Variants in TMPRSS12 observed in about 807,000 individuals in gnomAD.
TMPRSS12 encodes the protein transmembrane protease serine 12.
TMPRSS12 carries 25 observed loss-of-function variants against 26.0 expected under a neutral mutation model. That is an observed-to-expected ratio of 0.96 (90% CI 0.70 to 1.34). The LOEUF (loss-of-function observed/expected upper bound fraction) is 1.34, where lower values mean the gene tolerates loss of function less well. Ranked by LOEUF, TMPRSS12 falls within the 40% of genes most tolerant of loss-of-function variation. The probability of loss-of-function intolerance (pLI) is 0.00; values close to 1 mark genes in which losing one functional copy is unlikely to be tolerated. For synonymous variants in TMPRSS12, 150 were observed against 161.7 expected, an observed-to-expected ratio of 0.93 and a Z score of 0.55; for missense variants, 441 against 440.1, an observed-to-expected ratio of 1.00 and a Z score of -0.02.
chr12:50,885,153 A>G, intron 3 of TMPRSS12, 93 bp from the exon 4 acceptor site: 1 of 1,112,798 alleles, frequency 9.0e-7, no homozygotes, highest in Non-Finnish European at 1.3e-6. Context: ...TTATTGCATC[A>G]GTCACTTTGG....
At chr12:50,876,890 C>A (rs1305613902) in intron 3 of TMPRSS12, among the ~76,000 whole-genome samples, 1 of 149,768 alleles carries the variant, frequency 6.7e-6, no homozygotes, top group Admixed American at 6.7e-5. Context: ...AAAACAGAAT[C>A]ATGTCCTTTG....
At chr12:50,871,700 G>A (rs1938044300) in intron 3 of TMPRSS12, among the ~76,000 whole-genome samples, 1 of 151,990 alleles carries the variant, frequency 6.6e-6, no homozygotes, top group Non-Finnish European at 1.5e-5. Context: ...ATTTGACAAA[G>A]GACTAATATC....
intron 2 of TMPRSS12, 111 bp from the exon 3 acceptor site, chr12:50,858,674 G>T: frequency 1.2e-6 from 1 of 829,660 alleles, no homozygotes; most frequent in African/African-American, 1.8e-5. Context: ...ACATGAAACT[G>T]GAATTAAAGT....
chr12:50,853,547 A>G, intron 2 of TMPRSS12, among the ~76,000 whole-genome samples: 1 of 150,888 alleles, frequency 6.6e-6, no homozygotes, highest in African/African-American at 2.4e-5. Context: ...TTTTGAAAGA[A>G]TAAATAAGAT....
intron 2 of TMPRSS12, among the ~76,000 whole-genome samples, chr12:50,849,785 C>G (rs1295264471): frequency 2.6e-5 from 4 of 151,296 alleles, no homozygotes; most frequent in Non-Finnish European, 5.9e-5. Context: ...TAGTAAAATT[C>G]ATTATTCTTA....
chr12:50,858,666 A>G, intron 2 of TMPRSS12, 119 bp from the exon 3 acceptor site: 1 of 768,364 alleles, frequency 1.3e-6, no homozygotes, highest in Non-Finnish European at 1.9e-6. Context: ...TTTATGTCAC[A>G]TGAAACTGGA....
At chr12:50,859,110 G>A (rs1276179608) in intron 3 of TMPRSS12, 57 bp downstream of exon 3, 1 of 1,459,978 alleles carries the variant, frequency 6.8e-7, no homozygotes, top group Admixed American at 2.8e-5. Context: ...GCAGAGGAAG[G>A]TCAAACCTTT....
chr12:50,865,156 A>G (rs1937979338), intron 3 of TMPRSS12, among the ~76,000 whole-genome samples: 1 of 149,750 alleles, frequency 6.7e-6, no homozygotes, highest in African/African-American at 2.5e-5. Context: ...ACATGGTGAA[A>G]CCCCCAATCC....
chr12:50,880,749 A>G (rs913169091), intron 3 of TMPRSS12, among the ~76,000 whole-genome samples: 7 of 152,088 alleles, frequency 4.6e-5, no homozygotes, highest in African/African-American at 1.7e-4. Flanking sequence ...AAGTCCACCA[A>G]CTAGTGAATG....
At chr12:50,872,277 G>C (rs940317131) in intron 3 of TMPRSS12, among the ~76,000 whole-genome samples, 18 of 151,908 alleles carry the variant, frequency 1.2e-4, no homozygotes, top group African/African-American at 4.4e-4. Flanking sequence ...ACTTTGGGAG[G>C]CCGAGGCGGG....
rs12315431 is a variant in TMPRSS12 at position 50,885,946 on chromosome 12, G to A, written c.795+558G>A. The A allele has an allele frequency of 2.8e-3, 439 of 157,688 alleles. 5 individuals carry two copies. Among genetic ancestry groups the A allele is most frequent in the African/African-American group, 1.0e-2 (414 of 41,588 alleles). 9.8% of individuals were successfully genotyped at this position (157,688 alleles called of 1,614,324 possible). On this transcript the variant is annotated intron_variant, in intron 4 of 4. Transcript: ENST00000398458. ...GCCTCCCAAAGTGCTGGGATTACAG[G>A]GGTGAGCCACTGCGCCCAGCCTGTT...
chr12:50,866,290 A>C (rs1937990316), intron 3 of TMPRSS12, among the ~76,000 whole-genome samples: 1 of 152,060 alleles, frequency 6.6e-6, no homozygotes, highest in South Asian at 2.1e-4. Context: ...GGTGCTGTTG[A>C]GGGGCATGGT....
At chr12:50,878,877 G>A (rs745735041) in intron 3 of TMPRSS12, among the ~76,000 whole-genome samples, 3 of 152,160 alleles carry the variant, frequency 2.0e-5, no homozygotes, top group African/African-American at 4.8e-5. Flanking sequence ...TTAGGAAGTA[G>A]GGCCTTTTGA....
At chr12:50,878,270 A>G (rs1427837016) in intron 3 of TMPRSS12, among the ~76,000 whole-genome samples, 1 of 152,124 alleles carries the variant, frequency 6.6e-6, no homozygotes, top group Non-Finnish European at 1.5e-5. Context: ...ACAGCAATCA[A>G]CACATTGGGA....
At chr12:50,865,289 A>G (rs1408657710) in intron 3 of TMPRSS12, among the ~76,000 whole-genome samples, 2 of 152,136 alleles carry the variant, frequency 1.3e-5, no homozygotes, top group South Asian at 2.1e-4. Flanking sequence ...CCAAGATCAT[A>G]TCTTTGCACT....
intron 3 of TMPRSS12, among the ~76,000 whole-genome samples, chr12:50,881,742 G>A (rs185355212): frequency 6.6e-6 from 1 of 151,190 alleles, no homozygotes; most frequent in East Asian, 2.0e-4. Context: ...AGGCTGAGAC[G>A]GGCAGATCAC....
chr12:50,872,775 A>G (rs1168386291), intron 3 of TMPRSS12, among the ~76,000 whole-genome samples: 2 of 136,154 alleles, frequency 1.5e-5, no homozygotes, highest in East Asian at 4.2e-4. Flanking sequence ...TATGACGTAT[A>G]TATGTACATA....
At chr12:50,875,210 T>C (rs1288287931) in intron 3 of TMPRSS12, among the ~76,000 whole-genome samples, 1 of 151,954 alleles carries the variant, frequency 6.6e-6, no homozygotes, top group Non-Finnish European at 1.5e-5. Flanking sequence ...TACAGTAACA[T>C]TGGACATGGT....
intron 1 of TMPRSS12, 118 bp downstream of exon 1, chr12:50,843,269 A>G: frequency 9.3e-7 from 1 of 1,072,724 alleles, no homozygotes; most frequent in Non-Finnish European, 1.3e-6. Flanking sequence ...CCAAAATTTT[A>G]CATACCTAAG....
Sources: allele counts gnomAD v4.1 joint callset (sites outside exome capture counted in the v4.1 genomes callset), GRCh38; gene constraint gnomAD v4.1.1; transcripts MANE v1.5; gene names NCBI Gene and HGNC (gene_info 2026-07-23, HGNC 2026-07-21).